The following STAG1 variants were observed in gnomAD, a reference collection of about 807,000 sequenced individuals.
STAG1 encodes STAG1 cohesin complex component, also known as cohesin subunit SA-1.
A neutral mutation model predicts 170.9 loss-of-function variants in STAG1; 26 were observed. That is an observed-to-expected ratio of 0.15 (90% confidence interval 0.11 to 0.21). The LOEUF is 0.21. STAG1 is among the 10% of genes least tolerant of loss of function. STAG1 has a pLI of 1.00. For missense variants in STAG1, 964 were observed against 1,509.5 expected, an observed-to-expected ratio of 0.64 and a Z score of 5.99; for synonymous variants, 514 against 497.7, an observed-to-expected ratio of 1.03 and a Z score of -0.44.
chr3:136,370,723 G>A (rs1293727001), intron 23 of STAG1, among the ~76,000 whole-genome samples: 1 of 152,312 alleles, frequency 6.6e-6, no homozygotes, highest in African/African-American at 2.4e-5. Context: ...GTATTCCATG[G>A]TGTATATGTG....
chr3:136,464,316 GGGAA>G (rs1457604797), intron 13 of STAG1, among the ~76,000 whole-genome samples: 2 of 151,984 alleles, frequency 1.3e-5, no homozygotes, highest in East Asian at 3.9e-4. Flanking sequence ...CCAGCTACTT[GGGAA>G]GCTGAGGTAG....
intron 4 of STAG1, among the ~76,000 whole-genome samples, chr3:136,599,308 T>A (rs770702287): frequency 6.6e-6 from 1 of 151,964 alleles, no homozygotes; most frequent in East Asian, 1.9e-4. Context: ...GGTAGGAGGA[T>A]CACTTGAGTC....
intron 7 of STAG1, among the ~76,000 whole-genome samples, chr3:136,511,975 G>A (rs963491777): frequency 1.5e-4 from 22 of 151,668 alleles, no homozygotes; most frequent in Non-Finnish European, 1.2e-4. Flanking sequence ...CAAGCACTGG[G>A]CGTGTGGTGG....
rs533481787 is a variant in STAG1 at position 136,474,717 on chromosome 3, G to A, written c.1027-1080C>T. 5.3e-5 allele frequency among the ~76,000 whole-genome samples: 8 copies of A among 152,326 alleles called. No homozygotes were observed. In the East Asian group the frequency reaches 9.6e-4, roughly 18 times the overall value. ...GTTGGTAAGTCCCTAGCACACAAGC[G>A]AAAGCTGAAGTGCCTGTGGCAGGTG... On this transcript the variant is annotated intron_variant, in intron 10 of 33. Transcript: ENST00000383202.
chr3:136,685,044 G>A (rs771582680), intron 1 of STAG1, among the ~76,000 whole-genome samples: 2 of 152,000 alleles, frequency 1.3e-5, no homozygotes, highest in East Asian at 3.9e-4. Context: ...GCTGGGCCCG[G>A]TGGCTCACGC....
intron 4 of STAG1, among the ~76,000 whole-genome samples, chr3:136,580,246 C>A (rs973529441): frequency 1.3e-5 from 2 of 151,834 alleles, no homozygotes; most frequent in African/African-American, 4.8e-5. Flanking sequence ...GGATTACAGG[C>A]ATGAGCCACC....
At chr3:136,657,189 CTT>C (rs67826395) in intron 1 of STAG1, among the ~76,000 whole-genome samples, 32,157 of 93,042 alleles carry the variant, frequency 0.35, 3,923 homozygotes, top group African/African-American at 0.44. Context: ...TTCTTTCTTT[CTT>C]TTTTTTTTTT....
chr3:136,460,379 A>T (rs1005302976), intron 13 of STAG1, among the ~76,000 whole-genome samples: 3 of 152,166 alleles, frequency 2.0e-5, no homozygotes, highest in African/African-American at 4.8e-5. Flanking sequence ...AGGTGGGTGA[A>T]TCACCTGAGG....
chr3:136,426,265 C>T (rs1044056009), intron 16 of STAG1, among the ~76,000 whole-genome samples: 3 of 151,950 alleles, frequency 2.0e-5, no homozygotes. Context: ...AAAAAATTAG[C>T]TGCGTGAGGT....
At chr3:136,746,013 G>T (rs753342213) in intron 1 of STAG1, among the ~76,000 whole-genome samples, 8 of 152,106 alleles carry the variant, frequency 5.3e-5, no homozygotes, top group Admixed American at 1.3e-4. Flanking sequence ...ATAAAGAAAA[G>T]ATTCTATAAA....
chr3:136,525,269 C>T (rs1346553215), intron 6 of STAG1, among the ~76,000 whole-genome samples: 1 of 152,306 alleles, frequency 6.6e-6, no homozygotes, highest in East Asian at 1.9e-4. Flanking sequence ...GTCTCAATTT[C>T]AGAACCTGTT....
chr3:136,648,378 A>C (rs749893308), intron 1 of STAG1, among the ~76,000 whole-genome samples: 4 of 152,200 alleles, frequency 2.6e-5, no homozygotes, highest in Non-Finnish European at 4.4e-5. Flanking sequence ...TAGTTATGTT[A>C]GGTAGTAAAA....
intron 6 of STAG1, among the ~76,000 whole-genome samples, chr3:136,536,522 G>A (rs1275279796): frequency 6.6e-6 from 1 of 151,930 alleles, no homozygotes; most frequent in African/African-American, 2.4e-5. Flanking sequence ...CCAATATGGT[G>A]AAACCTTGTC....
At chr3:136,667,375 C>T (rs952724092) in intron 1 of STAG1, among the ~76,000 whole-genome samples, 2 of 151,720 alleles carry the variant, frequency 1.3e-5, no homozygotes, top group African/African-American at 4.8e-5. Context: ...TAGCAAAACC[C>T]CATCTCTTAA....
intron 15 of STAG1, among the ~76,000 whole-genome samples, chr3:136,440,703 T>G (rs2088604890): frequency 6.6e-6 from 1 of 152,036 alleles, no homozygotes; most frequent in African/African-American, 2.4e-5. Flanking sequence ...AAACAGAATG[T>G]GTAAGCCGGG....
intron 15 of STAG1, among the ~76,000 whole-genome samples, chr3:136,440,074 T>C (rs1480820424): frequency 6.6e-6 from 1 of 152,228 alleles, no homozygotes; most frequent in African/African-American, 2.4e-5. Context: ...ACACATCTTA[T>C]TAACATGAGA....
chr3:136,707,780 TAC>T (rs1396749867), intron 1 of STAG1, among the ~76,000 whole-genome samples: 4 of 152,132 alleles, frequency 2.6e-5, no homozygotes, highest in African/African-American at 7.2e-5. Context: ...CAAGAATTAA[TAC>T]AGTCTCTAGA....
chr3:136,694,577 C>G (rs1243685282), intron 1 of STAG1, among the ~76,000 whole-genome samples: 2 of 151,070 alleles, frequency 1.3e-5, no homozygotes, highest in Non-Finnish European at 2.9e-5. Flanking sequence ...GATCATGCCA[C>G]TGCCTAGGCT....
intron 22 of STAG1, among the ~76,000 whole-genome samples, chr3:136,383,010 C>T (rs1938062087): frequency 6.6e-6 from 1 of 152,202 alleles, no homozygotes; most frequent in Admixed American, 6.5e-5. Context: ...TATTCATCCA[C>T]TTCATGATGT....
Sources: allele counts gnomAD v4.1 joint callset (sites outside exome capture counted in the v4.1 genomes callset), GRCh38; gene constraint gnomAD v4.1.1; transcripts MANE v1.5; gene names NCBI Gene and HGNC (gene_info 2026-07-23, HGNC 2026-07-21).